Variants in ANKS1B observed in about 807,000 individuals in gnomAD.
The protein encoded by ANKS1B is ankyrin repeat and sterile alpha motif domain-containing protein 1B.
Under a neutral mutation model 148.3 loss-of-function variants are expected in ANKS1B, and 36 were observed. The ratio of observed to expected loss-of-function variants is 0.24; its 90% CI spans 0.19 to 0.32. The LOEUF is 0.32. ANKS1B is among the 10% of genes least tolerant of loss of function. The pLI, the probability that ANKS1B is intolerant of heterozygous loss-of-function variation, is 1.00. For synonymous variants in ANKS1B, 542 were observed against 560.8 expected (o/e 0.97, Z 0.47); for missense variants, 1,157 against 1,542.6 (o/e 0.75, Z 4.19).
chr12:99,724,053 A>G (rs1435115147), intron 8 of ANKS1B, among the ~76,000 whole-genome samples: 1 of 143,772 alleles, frequency 7.0e-6, no homozygotes, highest in Non-Finnish European at 1.5e-5. Flanking sequence ...AAGGATCAAC[A>G]AAAAAAAAAA....
At chr12:98,823,938 G>T (rs1314454232) in intron 19 of ANKS1B, among the ~76,000 whole-genome samples, 1 of 152,210 alleles carries the variant, frequency 6.6e-6, no homozygotes, top group Non-Finnish European at 1.5e-5. Flanking sequence ...TATAAGAGGA[G>T]AAGTTACTGT....
intron 10 of ANKS1B, among the ~76,000 whole-genome samples, chr12:99,481,886 T>A (rs1260480029): frequency 1.3e-5 from 2 of 151,974 alleles, no homozygotes; most frequent in Non-Finnish European, 2.9e-5. Context: ...GGGTTTTTTG[T>A]TTTTTGTTTT....
chr12:99,915,630 G>A (rs2094148836), intron 1 of ANKS1B, among the ~76,000 whole-genome samples: 1 of 152,202 alleles, frequency 6.6e-6, no homozygotes, highest in Non-Finnish European at 1.5e-5. Context: ...TAACCAGAGA[G>A]CTTGACCTGC....
chr12:99,592,905 G>A (rs1346963458), intron 9 of ANKS1B, among the ~76,000 whole-genome samples: 2 of 152,104 alleles, frequency 1.3e-5, no homozygotes, highest in African/African-American at 4.8e-5. Context: ...GAAATGGGGG[G>A]TGTTCCAAGC....
chr12:99,221,349 T>C (rs2085101152), intron 14 of ANKS1B, among the ~76,000 whole-genome samples: 1 of 151,784 alleles, frequency 6.6e-6, no homozygotes, highest in African/African-American at 2.4e-5. Context: ...CAAAATAAAA[T>C]AAAATAAAAT....
intron 8 of ANKS1B, among the ~76,000 whole-genome samples, chr12:99,675,578 A>G (rs960417229): frequency 6.6e-6 from 1 of 151,914 alleles, no homozygotes; most frequent in South Asian, 2.1e-4. Flanking sequence ...GAATTTTGCA[A>G]ACTTTCAATG....
intron 15 of ANKS1B, among the ~76,000 whole-genome samples, chr12:99,124,284 T>C (rs1470802562): frequency 6.6e-6 from 1 of 152,176 alleles, no homozygotes; most frequent in Non-Finnish European, 1.5e-5. Context: ...TGGATGTTTT[T>C]AGAGGTAGTG....
chr12:99,299,093 C>T (rs1335982924), intron 12 of ANKS1B, among the ~76,000 whole-genome samples: 3 of 151,276 alleles, frequency 2.0e-5, no homozygotes, highest in Non-Finnish European at 4.4e-5. Flanking sequence ...TAGGGTCTCA[C>T]TCTGTCACCC....
chr12:99,466,448 C>T (rs1346069059), intron 10 of ANKS1B, among the ~76,000 whole-genome samples: 1 of 151,714 alleles, frequency 6.6e-6, no homozygotes, highest in Non-Finnish European at 1.5e-5. Context: ...CAGAGCAGAA[C>T]TGAAGGAAAT....
rs117980888 is a variant in ANKS1B at position 98,965,006 on chromosome 12, G to A, written c.2778+88151C>T. On this transcript the variant is annotated intron_variant, in intron 17 of 26. Transcript: ENST00000683438. ...AGAAAGGATAAATACTTGAGGTGAT[G>A]CATACCCATTTGCCCATGCAATAAT... Among the ~76,000 whole-genome samples, 1,460 of 152,184 alleles carry A rather than the reference G, an allele frequency of 9.6e-3. 11 individuals carry two copies. The highest frequency in any genetic ancestry group is 0.014 in the Non-Finnish European group (938 of 68,000).
chr12:99,323,815 A>G (rs528536972), intron 12 of ANKS1B, among the ~76,000 whole-genome samples: 2 of 152,296 alleles, frequency 1.3e-5, no homozygotes, highest in Non-Finnish European at 2.9e-5. Flanking sequence ...GGTAGGAAGG[A>G]AGGCTGAGAA....
intron 26 of ANKS1B, among the ~76,000 whole-genome samples, chr12:98,747,989 G>A (rs2097939900): frequency 6.6e-6 from 1 of 152,100 alleles, no homozygotes; most frequent in African/African-American, 2.4e-5. Context: ...TTGGTTAATA[G>A]GTACAAAAAT....
chr12:99,354,250 GTAGTGT>G (rs1442584354), intron 12 of ANKS1B, among the ~76,000 whole-genome samples: 1 of 152,002 alleles, frequency 6.6e-6, no homozygotes, highest in Non-Finnish European at 1.5e-5. Flanking sequence ...ACAACATGGG[GTAGTGT>G]GGCAAGTCTC....
chr12:99,037,499 C>CAAA (rs60767962), intron 17 of ANKS1B, among the ~76,000 whole-genome samples: 54 of 130,494 alleles, frequency 4.1e-4, no homozygotes, highest in African/African-American at 1.3e-3. Context: ...AGCTCTGTCT[C>CAAA]AAAAAAAAAA....
At chr12:99,412,136 T>C (rs2094730374) in intron 11 of ANKS1B, among the ~76,000 whole-genome samples, 1 of 152,226 alleles carries the variant, frequency 6.6e-6, no homozygotes, top group Non-Finnish European at 1.5e-5. Context: ...TTCAATCACC[T>C]CTCAAATCTT....
At chr12:99,813,159 A>T (rs2068642606) in intron 2 of ANKS1B, among the ~76,000 whole-genome samples, 1 of 151,644 alleles carries the variant, frequency 6.6e-6, no homozygotes, top group Non-Finnish European at 1.5e-5. Flanking sequence ...TACCTCAAAA[A>T]TTTTGAACTT....
intron 10 of ANKS1B, among the ~76,000 whole-genome samples, chr12:99,483,081 C>G (rs74809222): frequency 1.3e-5 from 2 of 150,948 alleles, no homozygotes; most frequent in Non-Finnish European, 3.0e-5. Context: ...TTCCTGTTCT[C>G]GGTGGGGGGA....
At chr12:99,142,212 G>A (rs1408256220) in intron 15 of ANKS1B, among the ~76,000 whole-genome samples, 1 of 151,184 alleles carries the variant, frequency 6.6e-6, no homozygotes, top group East Asian at 1.9e-4. Context: ...GACAAAAAGA[G>A]TTGTCATAAA....
chr12:99,143,435 G>T (rs17029089), intron 15 of ANKS1B, among the ~76,000 whole-genome samples: 1 of 151,964 alleles, frequency 6.6e-6, no homozygotes, highest in Admixed American at 6.6e-5. Flanking sequence ...GACTAGCCTA[G>T]GTTGTCTGAA....
Sources: gnomAD v4.1 joint callset for allele counts (sites outside exome capture counted in the v4.1 genomes callset) on GRCh38, gnomAD v4.1.1 for gene constraint, MANE v1.5 for transcripts, NCBI Gene and HGNC (gene_info 2026-07-23, HGNC 2026-07-21) for gene names.